The following BICC1 variants were observed in gnomAD, a reference collection of about 807,000 sequenced individuals.
The protein encoded by BICC1 is protein bicaudal C homolog 1.
BICC1 carries 43 observed loss-of-function variants against 111.0 expected under a neutral mutation model. The observed-to-expected ratio is 0.39, with a 90% confidence interval of 0.30 to 0.50. BICC1 has a LOEUF of 0.50. Ranked by LOEUF, BICC1 falls within the 20% of genes least tolerant of loss-of-function variation. The pLI is 0.88. For synonymous variants in BICC1, 467 were observed against 434.4 expected (o/e 1.07, Z -0.93); for missense variants, 1,091 against 1,203.2 (o/e 0.91, Z 1.38).
chr10:58,778,277 C>G (rs1432814756), intron 3 of BICC1, among the ~76,000 whole-genome samples: 2 of 151,844 alleles, frequency 1.3e-5, no homozygotes, highest in Non-Finnish European at 2.9e-5. Flanking sequence ...ATGCTTTATC[C>G]TAAAGCAATG....
intron 3 of BICC1, among the ~76,000 whole-genome samples, chr10:58,724,652 G>GT (rs1341683014): frequency 6.6e-6 from 1 of 152,174 alleles, no homozygotes; most frequent in African/African-American, 2.4e-5. Context: ...CTCTGCCCCA[G>GT]TAGTTATGCT....
At chr10:58,673,964 CAA>C (rs1491004932) in intron 2 of BICC1, among the ~76,000 whole-genome samples, 1 of 10,076 alleles carries the variant, frequency 9.9e-5, no homozygotes, top group Admixed American at 1.9e-3. Context: ...GGTAAACACT[CAA>C]GCTAATAGCT....
Position 58,553,026 on chromosome 10 carries a change from TG to T in BICC1, c.190+39694del, listed in dbSNP as rs568455464. ...GTTTATATATTTTTTCCTACTGAATTGTAGTTTTGTTCTTTTGTCTTTCCCT... is the reference window on the plus strand; with the variant it reads ...GTTTATATATTTTTTCCTACTGAATTTAGTTTTGTTCTTTTGTCTTTCCCT... On this transcript the variant is annotated intron_variant, in intron 1 of 20. Coordinates refer to ENST00000373886, the MANE Select transcript of BICC1 (RefSeq NM_001080512.3). Among the ~76,000 whole-genome samples the T allele has an allele frequency of 2.9e-3, 449 of 152,296 alleles. 1 individual carries two copies. The highest frequency in any genetic ancestry group is 0.01 in the African/African-American group (430 of 41,574).
chr10:58,718,135 A>G (rs1840806849), intron 3 of BICC1, among the ~76,000 whole-genome samples: 2 of 152,130 alleles, frequency 1.3e-5, no homozygotes. Flanking sequence ...CATTTTGGCT[A>G]CTATACCAAA....
chr10:58,579,134 C>T (rs1403108974), intron 1 of BICC1, among the ~76,000 whole-genome samples: 1 of 152,156 alleles, frequency 6.6e-6, no homozygotes, highest in African/African-American at 2.4e-5. Context: ...TGAAGCCCCA[C>T]TGGGACCTAA....
intron 2 of BICC1, among the ~76,000 whole-genome samples, chr10:58,661,234 T>C (rs773876229): frequency 2.1e-4 from 32 of 149,390 alleles, no homozygotes; most frequent in South Asian, 8.4e-4. Flanking sequence ...TTTTTGTCCC[T>C]GAAGTTCTCT....
At chr10:58,670,219 G>A (rs191095754) in intron 2 of BICC1, among the ~76,000 whole-genome samples, 10 of 151,916 alleles carry the variant, frequency 6.6e-5, no homozygotes, top group South Asian at 4.1e-4. Flanking sequence ...AAACTAATGC[G>A]CAGAAATATC....
intron 1 of BICC1, among the ~76,000 whole-genome samples, chr10:58,555,188 C>G (rs1318047445): frequency 2.0e-5 from 3 of 151,530 alleles, no homozygotes; most frequent in Non-Finnish European, 4.4e-5. Context: ...CTTGAATTAC[C>G]TTTACTTTCA....
intron 18 of BICC1, among the ~76,000 whole-genome samples, chr10:58,815,785 T>C (rs1000511228): frequency 6.6e-6 from 1 of 152,222 alleles, no homozygotes; most frequent in Non-Finnish European, 1.5e-5. Flanking sequence ...ACATTTGTTT[T>C]TAAAATTGTT....
chr10:58,807,489 A>G (rs926912669), intron 17 of BICC1, among the ~76,000 whole-genome samples: 5 of 152,208 alleles, frequency 3.3e-5, no homozygotes, highest in African/African-American at 1.2e-4. Flanking sequence ...AAAAATGTCT[A>G]AAGAGTCCTA....
chr10:58,790,006 G>C, intron 8 of BICC1, 73 bp downstream of exon 8: 1 of 1,499,374 alleles, frequency 6.7e-7, no homozygotes, highest in East Asian at 2.3e-5. Context: ...TCCATCCACT[G>C]TACTAATGTG....
intron 4 of BICC1, 128 bp downstream of exon 4, chr10:58,785,208 A>G: frequency 2.0e-6 from 1 of 510,802 alleles, no homozygotes. Context: ...TAAAATAAGC[A>G]CATGTGATTC....
intron 20 of BICC1, among the ~76,000 whole-genome samples, chr10:58,824,515 T>C (rs1453909191): frequency 6.6e-6 from 1 of 152,178 alleles, no homozygotes; most frequent in Non-Finnish European, 1.5e-5. Context: ...AGGGTATTGG[T>C]CATCCTCCAG....
intron 8 of BICC1, among the ~76,000 whole-genome samples, chr10:58,793,048 G>C (rs936017229): frequency 3.3e-5 from 5 of 152,198 alleles, no homozygotes; most frequent in Admixed American, 6.5e-5. Flanking sequence ...GGGCTAAAAT[G>C]TGGAACTCTT....
rs573549671 is a variant in BICC1 at position 58,649,329 on chromosome 10, C to T, written c.237+28428C>T. 5.0e-4 allele frequency among the ~76,000 whole-genome samples: 76 copies of T among 152,214 alleles called. 1 individual carries two copies. In the South Asian group the frequency reaches 0.015, roughly 30 times the overall value. ...AGAGAGAATTGGGGAGAAACTCTCC[C>T]GCAGTGTAGCATAAGTCAAGTAGGT... On this transcript the variant is annotated intron_variant, in intron 2 of 20. Transcript: ENST00000373886.
intron 2 of BICC1, among the ~76,000 whole-genome samples, chr10:58,648,352 C>A (rs549830804): frequency 2.0e-5 from 3 of 152,256 alleles, no homozygotes; most frequent in African/African-American, 7.2e-5. Context: ...TTGTACTGAT[C>A]CTTCAGTGTT....
chr10:58,513,039 C>T lies in BICC1; in HGVS notation c.-105C>T, dbSNP rs983808027. The T allele has an allele frequency of 1.1e-5, 10 of 893,416 alleles. No homozygotes were observed. The African/African-American group carries it at 1.6e-4, about 14-fold the overall frequency. 55.3% of individuals were successfully genotyped at this position (893,416 alleles called of 1,614,324 possible). A position where few individuals can be genotyped will look rare whatever the true frequency, so the allele number is the denominator to read the frequency against. On this transcript the variant is annotated 5_prime_UTR_variant, in exon 1 of 21. Coordinates refer to ENST00000373886, the MANE Select transcript of BICC1 (RefSeq NM_001080512.3). Reference sequence around the variant, plus strand: ...GCGTCGGCGGCTGCAGGGGGACGAGCTAGCGCCGCGGCGCTGGGAGCCAGT... The same window carrying T: ...GCGTCGGCGGCTGCAGGGGGACGAGTTAGCGCCGCGGCGCTGGGAGCCAGT...
At chr10:58,716,614 T>G (rs540206952) in intron 3 of BICC1, among the ~76,000 whole-genome samples, 8 of 152,354 alleles carry the variant, frequency 5.3e-5, no homozygotes, top group East Asian at 1.9e-4. Flanking sequence ...AAATTGAATC[T>G]GGATACATCT....
intron 1 of BICC1, among the ~76,000 whole-genome samples, chr10:58,534,214 A>G (rs933333620): frequency 2.0e-5 from 3 of 151,728 alleles, no homozygotes; most frequent in Admixed American, 1.3e-4. Context: ...GATTGGAGGT[A>G]TTGCTAGCAT....
Sources: gnomAD v4.1 joint callset for allele counts (sites outside exome capture counted in the v4.1 genomes callset) on GRCh38, gnomAD v4.1.1 for gene constraint, MANE v1.5 for transcripts, NCBI Gene and HGNC (gene_info 2026-07-23, HGNC 2026-07-21) for gene names.